ERBB4: variants seen among roughly 807,000 people sequenced by gnomAD.
ERBB4 encodes the protein receptor tyrosine-protein kinase erbB-4.
A neutral mutation model predicts 158.0 loss-of-function variants in ERBB4; 42 were observed. The ratio of observed to expected loss-of-function variants is 0.27; its 90% CI spans 0.21 to 0.34. ERBB4 has a LOEUF of 0.34. Ranked by LOEUF, ERBB4 falls within the 10% of genes least tolerant of loss-of-function variation. ERBB4 has a pLI of 1.00. For synonymous variants in ERBB4, 583 were observed against 558.7 expected, an observed-to-expected ratio of 1.04 and a Z score of -0.61; for missense variants, 1,333 against 1,624.1, an observed-to-expected ratio of 0.82 and a Z score of 3.08.
chr2:211,777,643 G>T, intron 4 of ERBB4: 1 of 152,070 alleles, frequency 6.6e-6, no homozygotes, highest in East Asian at 1.9e-4. Context: ...AAAAATTATA[G>T]CCTTGTCACC....
chr2:211,634,264 A>G (rs1180942563), intron 16 of ERBB4, among the ~76,000 whole-genome samples: 1 of 152,112 alleles, frequency 6.6e-6, no homozygotes, highest in Non-Finnish European at 1.5e-5. Context: ...TTTTTTTTCA[A>G]TTAAGATTTC....
chr2:212,230,340 G>A (rs1285366726), intron 1 of ERBB4, among the ~76,000 whole-genome samples: 1 of 151,982 alleles, frequency 6.6e-6, no homozygotes, highest in African/African-American at 2.4e-5. Context: ...TAGGTATGCT[G>A]CAAAACTATT....
At position 212,538,717 on chromosome 2, in the gene ERBB4, G is replaced by A. The variant is rs1693254171; in HGVS notation, c.-187C>T. ...CCGCGCCCGCGGGTCCAGGGCCGGG[G>A]CCCGAGGAGGGGGCGAGTGTGAGCG... On this transcript the variant is annotated 5_prime_UTR_variant, in exon 1 of 28. Transcript: ENST00000342788. The A allele has an allele frequency of 7.1e-6, 3 of 425,288 alleles. No individual in the cohort carries two copies. Among genetic ancestry groups the A allele is most frequent in the Non-Finnish European group, 4.0e-6 (1 of 248,248 alleles). The allele number at this position is 425,288 out of a possible 1,614,324, so 26.3% of individuals were successfully genotyped here.
intron 3 of ERBB4, among the ~76,000 whole-genome samples, chr2:211,871,228 T>C (rs2106114104): frequency 6.6e-6 from 1 of 152,248 alleles, no homozygotes; most frequent in East Asian, 1.9e-4. Flanking sequence ...CCAAAAGATA[T>C]TTGGGCATGC....
chr2:211,750,664 T>A lies in ERBB4; in HGVS notation c.597A>T (p.Gly199=), dbSNP rs374839955. 6.2e-7 allele frequency: 1 copy of A among 1,613,772 alleles called. No homozygotes were observed. The highest frequency in any genetic ancestry group is 1.3e-5 in the African/African-American group (1 of 74,850). The part of the protein sequence containing the change: ...CHKSCTGRCW[G]PTENHCQTLT... ...AAGTCTGGCAATGATTTTCTGTGGG[T>A]CCCCAGCAACGGCCAGTACAGGACT... The change falls in exon 5 of 28, where the codon GGA becomes GGT. Residue 199 remains glycine, a synonymous_variant. Transcript: ENST00000342788.
intron 2 of ERBB4, among the ~76,000 whole-genome samples, chr2:212,034,325 C>T (rs954785899): frequency 1.3e-5 from 2 of 151,754 alleles, no homozygotes; most frequent in South Asian, 2.1e-4. Context: ...CTCTAATGGA[C>T]AAAATATATA....
intron 5 of ERBB4, among the ~76,000 whole-genome samples, chr2:211,747,866 A>G (rs1204323191): frequency 6.6e-6 from 1 of 151,818 alleles, no homozygotes; most frequent in Non-Finnish European, 1.5e-5. Flanking sequence ...ATCTGCAGTA[A>G]ATTGGTTCCA....
At chr2:212,006,625 T>G (rs928501004) in intron 2 of ERBB4, among the ~76,000 whole-genome samples, 1 of 152,020 alleles carries the variant, frequency 6.6e-6, no homozygotes, top group Admixed American at 6.6e-5. Context: ...GCAAATAAAC[T>G]TATTAATAGA....
chr2:212,003,204 AGACAGAAAGAAG>A lies in ERBB4; in HGVS notation c.235-55600_235-55589del, dbSNP rs1252617254. On this transcript the variant is annotated intron_variant, in intron 2 of 27. Transcript: ENST00000342788. ...AAGAAAGAAAGAAAGAAAGAAAGAA[AGACAGAAAGAAG>A]GAAGGAAGGAAGGAAGGAAGGAAGG... is the stretch of plus-strand genomic sequence containing the variant. Among the ~76,000 whole-genome samples the A allele has an allele frequency of 3.5e-3, 171 of 48,796 alleles. 13 individuals carry two copies. Among genetic ancestry groups the A allele is most frequent in the Middle Eastern group, 0.011 (1 of 92 alleles). The allele number at this position is 48,796 out of a possible 152,430, so 32.0% of individuals were successfully genotyped here.
Position 211,665,474 on chromosome 2 carries a change from G to T in ERBB4, c.1720C>A (p.Pro574Thr), listed in dbSNP as rs200792124. The T allele has an allele frequency of 1.6e-4, 257 of 1,613,712 alleles. No individual in the cohort carries two copies. The highest frequency in any genetic ancestry group is 2.1e-4 in the Non-Finnish European group (243 of 1,179,920). ...TGAGAGCACTTTGTACAGTTGTCAG[G>T]ACCCTGAAATGTGAAAACGAAAAAA... ...DGLLTCHGPG[P>T]DNCTKCSHFK... Residue 574 changes from proline (P) to threonine (T), a missense_variant, in exon 15 of 28, where the codon CCT becomes ACT. Physicochemically the swap from Pro to Thr is conservative, Grantham distance 38 (BLOSUM62 -1). Coordinates refer to ENST00000342788, the MANE Select transcript of ERBB4 (RefSeq NM_005235.3).
At chr2:212,147,436 T>C (rs2080720246) in intron 1 of ERBB4, among the ~76,000 whole-genome samples, 1 of 152,128 alleles carries the variant, frequency 6.6e-6, no homozygotes. Context: ...ACTGTTATTC[T>C]AAAATTCTAT....
chr2:211,819,771 G>C (rs1339496759), intron 3 of ERBB4, among the ~76,000 whole-genome samples: 1 of 151,702 alleles, frequency 6.6e-6, no homozygotes, highest in Non-Finnish European at 1.5e-5. Context: ...ACAAACTAGA[G>C]GTGAAAAAAA....
chr2:212,057,768 C>T lies in ERBB4; in HGVS notation c.234+66984G>A, dbSNP rs554126768. ...ACACAACATACCAGAATCTCTGGGACACATTCAAAGCAGTGTGTAGAGGGA... is the reference window on the plus strand; with the variant it reads ...ACACAACATACCAGAATCTCTGGGATACATTCAAAGCAGTGTGTAGAGGGA... On this transcript the variant is annotated intron_variant, in intron 2 of 27. Coordinates refer to ENST00000342788, the MANE Select transcript of ERBB4 (RefSeq NM_005235.3). Among the ~76,000 whole-genome samples the T allele has an allele frequency of 1.3e-3, 194 of 152,256 alleles. 5 individuals carry two copies. Among genetic ancestry groups the T allele is most frequent in the Non-Finnish European group, 3.5e-4 (24 of 68,014 alleles).
chr2:211,530,492 A>C (rs2125660447), intron 20 of ERBB4, among the ~76,000 whole-genome samples: 1 of 152,148 alleles, frequency 6.6e-6, no homozygotes, highest in East Asian at 1.9e-4. Context: ...GAAATGGAAG[A>C]AACAATCTTA....
intron 1 of ERBB4, among the ~76,000 whole-genome samples, chr2:212,252,693 T>C (rs1365110884): frequency 6.6e-6 from 1 of 152,086 alleles, no homozygotes; most frequent in Non-Finnish European, 1.5e-5. Context: ...ATCATCCTTT[T>C]ATGCTGATGA....
chr2:212,364,914 A>AGTGT (rs34682600), intron 1 of ERBB4, among the ~76,000 whole-genome samples: 20 of 148,110 alleles, frequency 1.4e-4, no homozygotes, highest in East Asian at 4.0e-4. Flanking sequence ...TGTGTGTGTG[A>AGTGT]GTGTGTGTGT....
intron 2 of ERBB4, among the ~76,000 whole-genome samples, chr2:212,066,009 A>T (rs2077936596): frequency 6.6e-6 from 1 of 152,034 alleles, no homozygotes; most frequent in Non-Finnish European, 1.5e-5. Context: ...GTTAAATATC[A>T]TGCCAGAAAA....
intron 20 of ERBB4, among the ~76,000 whole-genome samples, chr2:211,444,280 C>G (rs2064058347): frequency 6.6e-6 from 1 of 151,894 alleles, no homozygotes; most frequent in Non-Finnish European, 1.5e-5. Context: ...TTATCTTTAG[C>G]CTCCACTGGA....
rs34217661 is a variant in ERBB4, at chr2:211,380,036, A to AG, written c.*3578_*3579insC. 0.61 allele frequency: 142,238 copies of AG among 231,620 alleles called. 44,803 individuals are homozygous for AG. The highest frequency in any genetic ancestry group is 0.77 in the South Asian group (4,233 of 5,512). 14.3% of individuals were successfully genotyped at this position (231,620 alleles called of 1,614,324 possible). A position where few individuals can be genotyped will look rare whatever the true frequency, so the allele number is the denominator to read the frequency against. On this transcript the variant is annotated 3_prime_UTR_variant, in exon 28 of 28. Coordinates refer to ENST00000342788, the MANE Select transcript of ERBB4 (RefSeq NM_005235.3). ...TATTAGCTCACACACTATAACACTTAAACACTATTCCTTCTCTTAAATTAG... is the reference window on the plus strand; with the variant it reads ...TATTAGCTCACACACTATAACACTTAGAACACTATTCCTTCTCTTAAATTAG...
Sources: allele counts gnomAD v4.1 joint callset (sites outside exome capture counted in the v4.1 genomes callset), GRCh38; gene constraint gnomAD v4.1.1; transcripts MANE v1.5; gene names NCBI Gene and HGNC (gene_info 2026-07-23, HGNC 2026-07-21).